Variants in SLC5A8 observed in about 807,000 individuals in gnomAD.
SLC5A8 encodes the protein sodium-coupled monocarboxylate transporter 1.
Under a neutral mutation model 71.9 loss-of-function variants are expected in SLC5A8, and 55 were observed. The ratio of observed to expected loss-of-function variants is 0.77; its 90% CI spans 0.62 to 0.96. The LOEUF (loss-of-function observed/expected upper bound fraction) is 0.96. SLC5A8 is among the 40% of genes least tolerant of loss of function. The pLI, the probability that SLC5A8 is intolerant of heterozygous loss-of-function variation, is 0.00. For missense variants in SLC5A8, 701 were observed against 745.3 expected, an observed-to-expected ratio of 0.94 and a Z score of 0.69; for synonymous variants, 307 against 276.1, an observed-to-expected ratio of 1.11 and a Z score of -1.11.
chr12:101,204,514 A>C lies in SLC5A8; in HGVS notation c.403T>G (p.Phe135Val), dbSNP rs567962674. Residue 135 changes from phenylalanine to valine, a missense_variant, in exon 2 of 15, where the codon TTC becomes GTC. Phe to Val is a conservative substitution (Grantham distance 50). Transcript: ENST00000536262. ...GAGCTACTTACTGTTTGAACAATGA[A>C]GAGGACTGTTCCACAGAGACGAACA... Reference protein sequence around the residue: ...KCVRLCGTVLFIVQTILYTGI... With the variant: ...KCVRLCGTVLVIVQTILYTGI... 23 of 1,597,802 alleles carry C rather than the reference A, an allele frequency of 1.4e-5. No individual in the cohort carries two copies. In the African/African-American group the frequency reaches 2.7e-4, roughly 19 times the overall value.
chr12:101,181,715 C>G (rs1036491442), intron 9 of SLC5A8, among the ~76,000 whole-genome samples: 1 of 152,312 alleles, frequency 6.6e-6, no homozygotes, highest in South Asian at 2.1e-4. Flanking sequence ...CTAAACCACA[C>G]AGCTTCAATA....
intron 4 of SLC5A8, among the ~76,000 whole-genome samples, chr12:101,194,613 A>G (rs1028700822): frequency 2.0e-5 from 3 of 152,036 alleles, no homozygotes; most frequent in Non-Finnish European, 2.9e-5. Flanking sequence ...CTACAGGTGT[A>G]TGCCACCATG....
intron 10 of SLC5A8, among the ~76,000 whole-genome samples, chr12:101,169,500 G>C (rs939873705): frequency 2.0e-5 from 3 of 152,172 alleles, no homozygotes; most frequent in Non-Finnish European, 2.9e-5. Context: ...TATAATCAGG[G>C]ATGGGGTCAA....
intron 1 of SLC5A8, among the ~76,000 whole-genome samples, chr12:101,207,581 G>T (rs1207913564): frequency 2.0e-5 from 3 of 152,124 alleles, no homozygotes; most frequent in Non-Finnish European, 4.4e-5. Flanking sequence ...CCCCGAAGAG[G>T]CATGGGTCAG....
chr12:101,201,711 G>A (rs1025578939), intron 3 of SLC5A8, among the ~76,000 whole-genome samples: 2 of 152,212 alleles, frequency 1.3e-5, no homozygotes, highest in African/African-American at 4.8e-5. Flanking sequence ...AAATCACATG[G>A]CTCTCTTTCT....
intron 10 of SLC5A8, among the ~76,000 whole-genome samples, chr12:101,174,683 T>G (rs2051862851): frequency 1.3e-5 from 2 of 152,198 alleles, no homozygotes; most frequent in African/African-American, 4.8e-5. Context: ...GATATTTCAG[T>G]GGGCCTCATG....
intron 2 of SLC5A8, 104 bp from the exon 3 acceptor site, chr12:101,202,319 A>G (rs1869491148): frequency 9.4e-7 from 1 of 1,062,240 alleles, no homozygotes; most frequent in Non-Finnish European, 1.3e-6. Context: ...TTCAATTATG[A>G]CTTAAAACAA....
In SLC5A8 at chr12:101,157,816, AGG is replaced by A. The variant is rs1396485803; in HGVS notation, c.1711-417_1711-416del. Among the ~76,000 whole-genome samples, 18 of 152,318 alleles carry A rather than the reference AGG, an allele frequency of 1.2e-4. No homozygotes were observed. In the South Asian group the frequency reaches 2.1e-3, roughly 18 times the overall value. On this transcript the variant is annotated intron_variant, in intron 14 of 14. Coordinates refer to ENST00000536262, the MANE Select transcript of SLC5A8 (RefSeq NM_145913.5). ...AGACAGATATAGAGAGATATACAAC[AGG>A]TATAGCTCATCAGAGAATAGAGGGA...
At chr12:101,161,389 C>T (rs1275000371) in intron 13 of SLC5A8, among the ~76,000 whole-genome samples, 2 of 151,932 alleles carry the variant, frequency 1.3e-5, no homozygotes, top group African/African-American at 2.4e-5. Context: ...CCAAGATAAC[C>T]GTTCTATAGC....
At chr12:101,199,259 C>T (rs919726504) in intron 3 of SLC5A8, 1 of 151,920 alleles carries the variant, frequency 6.6e-6, no homozygotes, top group Non-Finnish European at 1.5e-5. Flanking sequence ...TATTTCTTTT[C>T]TTCCTTTTTT....
intron 3 of SLC5A8, among the ~76,000 whole-genome samples, chr12:101,200,299 G>C (rs146828541): frequency 6.6e-6 from 1 of 151,918 alleles, no homozygotes; most frequent in African/African-American, 2.4e-5. Context: ...TATCTTGAGC[G>C]GGGTGGTAGT....
At chr12:101,183,629 T>C (rs751233554) in intron 8 of SLC5A8, among the ~76,000 whole-genome samples, 1 of 152,018 alleles carries the variant, frequency 6.6e-6, no homozygotes, top group Non-Finnish European at 1.5e-5. Flanking sequence ...ATTTCCTGAA[T>C]CCCCACTAAC....
At chr12:101,158,195 A>C (rs1350165247) in intron 14 of SLC5A8, 54 bp downstream of exon 14, 4 of 1,215,408 alleles carry the variant, frequency 3.3e-6, no homozygotes, top group Non-Finnish European at 3.6e-6. Context: ...TTAGTGTTCT[A>C]TCCAGGTAAT....
At chr12:101,158,589 T>TA (rs2051693331) in intron 13 of SLC5A8, among the ~76,000 whole-genome samples, 1 of 44,132 alleles carries the variant, frequency 2.3e-5, no homozygotes, top group Admixed American at 2.9e-4. Flanking sequence ...TCTCTCTCTC[T>TA]CTCTCTCTCT....
chr12:101,157,731 G>T (rs1566302663), intron 14 of SLC5A8, among the ~76,000 whole-genome samples: 1 of 151,974 alleles, frequency 6.6e-6, no homozygotes, highest in Non-Finnish European at 1.5e-5. Flanking sequence ...AACAGATACA[G>T]GTTATCAGAG....
intron 11 of SLC5A8, among the ~76,000 whole-genome samples, chr12:101,167,646 A>G (rs2051786254): frequency 6.6e-6 from 1 of 152,230 alleles, no homozygotes; most frequent in South Asian, 2.1e-4. Context: ...TGTGGGAGCT[A>G]CAGCTTTAAA....
Position 101,158,262 on chromosome 12 carries a change from T to A in SLC5A8, c.1697A>T (p.Asp566Val). 6.3e-7 allele frequency: 1 copy of A among 1,587,656 alleles called. No individual in the cohort carries two copies. The highest frequency in any genetic ancestry group is 8.6e-7 in the Non-Finnish European group (1 of 1,161,258). Reference protein sequence around the residue: ...LTKEDFLSNFDIFKKKKHVLS... With the variant: ...LTKEDFLSNFVIFKKKKHVLS... ...AAGCCAACTCACTTTCTTAAAAATA[T>A]CAAAATTGGATAAAAAGTCCTCTTT... The change falls in exon 14 of 15, where the codon GAT becomes GTT. Residue 566 changes from aspartate to valine, a missense_variant. Coordinates refer to ENST00000536262, the MANE Select transcript of SLC5A8 (RefSeq NM_145913.5).
At position 101,182,802 on chromosome 12, in the gene SLC5A8, C is replaced by T; in HGVS notation, c.1165+1G>A. 2 of 1,563,704 alleles carry T rather than the reference C, an allele frequency of 1.3e-6. No homozygotes were observed. On this transcript the variant is annotated splice_donor_variant, in intron 9 of 14. Transcript: ENST00000536262. LOFTEE classifies it high-confidence loss of function. Reference sequence around the variant, plus strand: ...ATGGAATTATGAAAACAGAAACTTACTCATTCCTTGGGAAATCCAAGACAG... The same window carrying T: ...ATGGAATTATGAAAACAGAAACTTATTCATTCCTTGGGAAATCCAAGACAG...
At chr12:101,192,053 T>A (rs1251630126) in intron 5 of SLC5A8, among the ~76,000 whole-genome samples, 1 of 152,204 alleles carries the variant, frequency 6.6e-6, no homozygotes, top group Non-Finnish European at 1.5e-5. Context: ...ATTGGTTGTT[T>A]CCACTTCCTG....
Sources: gnomAD v4.1 joint callset for allele counts (sites outside exome capture counted in the v4.1 genomes callset) on GRCh38, gnomAD v4.1.1 for gene constraint, MANE v1.5 for transcripts, NCBI Gene and HGNC (gene_info 2026-07-23, HGNC 2026-07-21) for gene names.